The following ZZZ3 variants were observed in gnomAD, a reference collection of about 807,000 sequenced individuals.
ZZZ3 encodes ZZ-type zinc finger-containing protein 3.
Under a neutral mutation model 95.2 loss-of-function variants are expected in ZZZ3, and 22 were observed. The observed-to-expected ratio is 0.23, with a 90% CI of 0.17 to 0.33. The LOEUF is 0.33. Ranked by LOEUF, ZZZ3 falls within the 10% of genes least tolerant of loss-of-function variation. The pLI is 1.00. For synonymous variants in ZZZ3, 335 were observed against 358.9 expected (o/e 0.93, Z 0.75); for missense variants, 885 against 1,066.5 (o/e 0.83, Z 2.37).
chr1:77,576,647 T>C (rs1661977403), intron 11 of ZZZ3, among the ~76,000 whole-genome samples: 1 of 152,178 alleles, frequency 6.6e-6, no homozygotes, highest in Non-Finnish European at 1.5e-5. Flanking sequence ...CTGAAAATAC[T>C]TATCTAACAT....
chr1:77,578,633 T>C, intron 11 of ZZZ3, 141 bp downstream of exon 11: 2 of 430,240 alleles, frequency 4.6e-6, no homozygotes, highest in Non-Finnish European at 7.8e-6. Flanking sequence ...ACCCTCCACT[T>C]TTGCACAATA....
At chr1:77,646,056 G>A (rs926443276) in intron 1 of ZZZ3, among the ~76,000 whole-genome samples, 1 of 151,790 alleles carries the variant, frequency 6.6e-6, no homozygotes, top group African/African-American at 2.4e-5. Context: ...AGATTCAGAT[G>A]TAAATGAGTT....
intron 12 of ZZZ3, 61 bp from the exon 13 acceptor site, chr1:77,568,527 G>T: frequency 1.2e-6 from 1 of 815,528 alleles, no homozygotes; most frequent in South Asian, 2.0e-5. Context: ...TTAAGTGTAA[G>T]TAATACTGAT....
chr1:77,630,639 T>C (rs1475991830), intron 5 of ZZZ3, among the ~76,000 whole-genome samples: 2 of 152,188 alleles, frequency 1.3e-5, no homozygotes, highest in Non-Finnish European at 2.9e-5. Flanking sequence ...TCCTAACATT[T>C]TCACAAAATT....
intron 1 of ZZZ3, among the ~76,000 whole-genome samples, chr1:77,670,658 G>A (rs901190292): frequency 6.6e-6 from 1 of 151,436 alleles, no homozygotes; most frequent in Non-Finnish European, 1.5e-5. Context: ...AAAGAGTTTG[G>A]ATGGATAACA....
Position 77,632,590 on chromosome 1 carries a change from A to G in ZZZ3, c.765T>C (p.Ser255=). The G allele has an allele frequency of 6.2e-7, 1 of 1,614,176 alleles. No homozygotes were observed. The highest frequency in any genetic ancestry group is 8.5e-7 in the Non-Finnish European group (1 of 1,180,018). Residue 255 remains serine, a synonymous_variant, in exon 5 of 15, where the codon AGT becomes AGC. Transcript: ENST00000370801. ...GGTCTATATAACTGTCCTCCTTCCT[A>G]CTATCAAGGAACATTGAAGTTTGGG... The part of the protein sequence containing the change: ...TDTQTSMFLD[S]RKEDSYIDHK...
At chr1:77,626,396 T>C (rs1275931041) in intron 5 of ZZZ3, among the ~76,000 whole-genome samples, 3 of 152,172 alleles carry the variant, frequency 2.0e-5, no homozygotes, top group African/African-American at 7.2e-5. Flanking sequence ...GTAGAATCAG[T>C]GGGAGCCCTA....
intron 1 of ZZZ3, among the ~76,000 whole-genome samples, chr1:77,681,170 T>C (rs1208099099): frequency 6.6e-6 from 1 of 151,990 alleles, no homozygotes; most frequent in Non-Finnish European, 1.5e-5. Flanking sequence ...TAAACCAAAA[T>C]ATGGAAATAT....
chr1:77,583,878 A>T (rs1662791838), intron 6 of ZZZ3, among the ~76,000 whole-genome samples: 1 of 152,156 alleles, frequency 6.6e-6, no homozygotes, highest in African/African-American at 2.4e-5. Flanking sequence ...ATATTTACAC[A>T]CCAAGAAACT....
chr1:77,642,106 A>G (rs1668830298), intron 1 of ZZZ3, among the ~76,000 whole-genome samples: 2 of 152,320 alleles, frequency 1.3e-5, no homozygotes, highest in Non-Finnish European at 2.9e-5. Context: ...TAAACATCTG[A>G]TATCTTTCTT....
intron 4 of ZZZ3, among the ~76,000 whole-genome samples, chr1:77,635,341 T>C (rs902894914): frequency 6.6e-6 from 1 of 152,212 alleles, no homozygotes; most frequent in African/African-American, 2.4e-5. Flanking sequence ...AATTAAAGCA[T>C]GGTTATATGT....
At chr1:77,585,703 G>C (rs2100580693) in intron 5 of ZZZ3, among the ~76,000 whole-genome samples, 1 of 152,194 alleles carries the variant, frequency 6.6e-6, no homozygotes. Flanking sequence ...ATACTTCCCA[G>C]CACATAGATG....
chr1:77,669,429 G>C (rs1412953616), intron 1 of ZZZ3, among the ~76,000 whole-genome samples: 2 of 149,450 alleles, frequency 1.3e-5, no homozygotes, highest in Non-Finnish European at 1.5e-5. Context: ...TTAAGAGCTA[G>C]AATACCATTA....
intron 4 of ZZZ3, among the ~76,000 whole-genome samples, chr1:77,639,020 T>G (rs1668535259): frequency 1.3e-5 from 2 of 152,172 alleles, no homozygotes; most frequent in African/African-American, 2.4e-5. Flanking sequence ...TAAAGAGACT[T>G]CTTATTTCTT....
chr1:77,621,671 GC>G (rs144263714), intron 5 of ZZZ3, among the ~76,000 whole-genome samples: 3,273 of 151,852 alleles, frequency 0.022, 125 homozygotes, highest in African/African-American at 0.073. Flanking sequence ...ATAAAAATTA[GC>G]CACGTGTGGT....
intron 1 of ZZZ3, among the ~76,000 whole-genome samples, chr1:77,656,491 G>T (rs1423973511): frequency 6.6e-6 from 1 of 152,176 alleles, no homozygotes; most frequent in Non-Finnish European, 1.5e-5. Flanking sequence ...ATCTAAAGGA[G>T]ACGGATCAAG....
chr1:77,659,523 T>TC (rs1670593323), intron 1 of ZZZ3, among the ~76,000 whole-genome samples: 1 of 150,946 alleles, frequency 6.6e-6, no homozygotes, highest in African/African-American at 2.4e-5. Context: ...CCCATCTCTA[T>TC]TAAAAATACA....
chr1:77,581,592 A>G (rs553722839), intron 8 of ZZZ3, among the ~76,000 whole-genome samples, 184 bp downstream of exon 8: 53 of 152,370 alleles, frequency 3.5e-4, no homozygotes, highest in African/African-American at 1.3e-3. Context: ...AACGTAAATG[A>G]TGTCTGAAGG....
chr1:77,638,327 C>A (rs373820257), intron 4 of ZZZ3, among the ~76,000 whole-genome samples: 2 of 152,176 alleles, frequency 1.3e-5, no homozygotes, highest in East Asian at 1.9e-4. Context: ...CTACTGTTAC[C>A]CAAATATAAC....
Sources: allele counts gnomAD v4.1 joint callset (sites outside exome capture counted in the v4.1 genomes callset), GRCh38; gene constraint gnomAD v4.1.1; transcripts MANE v1.5; gene names NCBI Gene and HGNC (gene_info 2026-07-23, HGNC 2026-07-21).